Variants in ACOX3 observed in about 807,000 individuals in gnomAD.
The protein encoded by ACOX3 is acyl-CoA oxidase 3, pristanoyl, also known as peroxisomal acyl-coenzyme A oxidase 3.
A neutral mutation model predicts 81.5 loss-of-function variants in ACOX3; 73 were observed. That is an observed-to-expected ratio of 0.90 (90% CI 0.74 to 1.09). The LOEUF is 1.09. ACOX3 is among the 50% of genes least tolerant of loss of function. The pLI is 0.00. For synonymous variants in ACOX3, 387 were observed against 375.1 expected (o/e 1.03, Z -0.37); for missense variants, 947 against 928.0 (o/e 1.02, Z -0.27).
Position 8,440,664 on chromosome 4 carries a change from T to A in ACOX3, c.-31A>T. On this transcript the variant is annotated 5_prime_UTR_variant, in exon 1 of 18. Transcript: ENST00000356406. The stretch of plus-strand genomic sequence containing the variant: ...ATTCCTCACCCACACACTCCACAGT[T>A]CAACCCCTGCCAGGGAAACCAAAAG... The A allele has an allele frequency of 1.1e-6, 1 of 917,584 alleles. No individual in the cohort carries two copies. The allele number at this position is 917,584 out of a possible 1,614,324, so 56.8% of individuals were successfully genotyped here. A position where few individuals can be genotyped will look rare whatever the true frequency, so the allele number is the denominator to read the frequency against.
chr4:8,414,273 G>C lies in ACOX3; in HGVS notation c.543+19C>G. On this transcript the variant is annotated intron_variant, in intron 5 of 17. Coordinates refer to ENST00000356406, the MANE Select transcript of ACOX3 (RefSeq NM_003501.3). The surrounding 1 kb of genome is among the most constrained non-coding windows in gnomAD (Gnocchi z 6.1). ...TCATATGCTCCAAACTCAGGGACCC[G>C]GGGGAAGGTAATACCTACCTCAGTG... The C allele has an allele frequency of 6.2e-7, 1 of 1,601,356 alleles. No homozygotes were observed. The highest frequency in any genetic ancestry group is 8.6e-7 in the Non-Finnish European group (1 of 1,168,646).
At chr4:8,402,049 C>T (rs868736178) in intron 7 of ACOX3, among the ~76,000 whole-genome samples, 1 of 152,170 alleles carries the variant, frequency 6.6e-6, no homozygotes, top group African/African-American at 2.4e-5. Context: ...GGGACGGGCA[C>T]GTAAGTGGCA....
At chr4:8,427,658 A>G (rs1474871343) in intron 1 of ACOX3, among the ~76,000 whole-genome samples, 1 of 152,196 alleles carries the variant, frequency 6.6e-6, no homozygotes, top group Non-Finnish European at 1.5e-5. Context: ...GCATGGCCCA[A>G]GGTTCCATTC....
Position 8,389,079 on chromosome 4 carries a change from C to T in ACOX3, c.1537+94G>A. Reference sequence around the variant, plus strand: ...ACCACCACTGCTGCCCCGGCTGGAACTGCCAAGGGTCCCCTCACCGAGGCA... The same window carrying T: ...ACCACCACTGCTGCCCCGGCTGGAATTGCCAAGGGTCCCCTCACCGAGGCA... On this transcript the variant is annotated intron_variant, in intron 13 of 17. Coordinates refer to ENST00000356406, the MANE Select transcript of ACOX3 (RefSeq NM_003501.3). The surrounding 1 kb of genome is among the most constrained non-coding windows in gnomAD (Gnocchi z 5.3). 1 of 1,016,176 alleles carries T rather than the reference C, an allele frequency of 9.8e-7. No individual in the cohort carries two copies. Among genetic ancestry groups the T allele is most frequent in the Non-Finnish European group, 1.5e-6 (1 of 669,934 alleles). The allele number at this position is 1,016,176 out of a possible 1,614,324, so 62.9% of individuals were successfully genotyped here.
chr4:8,392,661 T>C (rs1719143114), intron 10 of ACOX3, among the ~76,000 whole-genome samples: 2 of 151,846 alleles, frequency 1.3e-5, no homozygotes. Flanking sequence ...CTCATACCAT[T>C]TCACAACAAT....
At chr4:8,390,105 C>CAAAAAAAAAAAAAAAAAA (rs752872641) in intron 11 of ACOX3, among the ~76,000 whole-genome samples, 1 of 129,740 alleles carries the variant, frequency 7.7e-6, no homozygotes. Context: ...CCTGTCTCAA[C>CAAAAAAAAAAAAAAAAAA]AACAACAACA....
In ACOX3 at chr4:8,394,177, C is replaced by T. The variant is rs112613436; in HGVS notation, c.1179+443G>A. ...CTACAAAGAAATCCGTTCCCGATGT[C>T]TCTTTATGCCGAGGCTGATCTCGGG... On this transcript the variant is annotated intron_variant, in intron 10 of 17. Coordinates refer to ENST00000356406, the MANE Select transcript of ACOX3 (RefSeq NM_003501.3). This position sits in a 1 kb window ranked among gnomAD's most constrained non-coding sequence, Gnocchi z 5.9. Among the ~76,000 whole-genome samples, 1 of 152,340 alleles carries T rather than the reference C, an allele frequency of 6.6e-6. No individual in the cohort carries two copies. Among genetic ancestry groups the T allele is most frequent in the African/African-American group, 2.4e-5 (1 of 41,582 alleles).
intron 1 of ACOX3, among the ~76,000 whole-genome samples, chr4:8,420,640 A>ACC (rs370761464): frequency 6.6e-6 from 1 of 152,052 alleles, no homozygotes. Flanking sequence ...CCCTTTGGGT[A>ACC]CCCCCCCGTT....
rs113188287 is a variant in ACOX3, at chr4:8,384,674, A to G, written c.1538-3067T>C. ...CTTGACCCCATGGTGAGCTCTTCGC[A>G]TGCACTGCCTGCCTTTCGGGTCTCG... On this transcript the variant is annotated intron_variant, in intron 13 of 17. Transcript: ENST00000356406. This position sits in a 1 kb window ranked among gnomAD's most constrained non-coding sequence, Gnocchi z 5.3. Among the ~76,000 whole-genome samples the G allele has an allele frequency of 0.021, 3,248 of 151,898 alleles. 124 individuals carry two copies. Among genetic ancestry groups the G allele is most frequent in the African/African-American group, 0.073 (3,040 of 41,420 alleles).
chr4:8,364,018 T>A (rs934683424), downstream of ACOX3, among the ~76,000 whole-genome samples: 12 of 152,330 alleles, frequency 7.9e-5, no homozygotes, highest in South Asian at 2.5e-3. The surrounding 1 kb of genome is among the most constrained non-coding windows in gnomAD (Gnocchi z 5.0). Flanking sequence ...ACTTTCTTAA[T>A]AAACTTGCTT....
intron 11 of ACOX3, 137 bp downstream of exon 11, chr4:8,392,196 G>T: frequency 8.6e-7 from 1 of 1,156,810 alleles, no homozygotes; most frequent in Non-Finnish European, 1.2e-6. Flanking sequence ...GGCTGGCTGT[G>T]TTCCAATAAA....
chr4:8,438,198 T>C (rs1161460322), intron 1 of ACOX3, among the ~76,000 whole-genome samples: 1 of 152,200 alleles, frequency 6.6e-6, no homozygotes, highest in African/African-American at 2.4e-5. Context: ...GTGACTAAAG[T>C]ATTGTTAAAA....
rs1242989985 is a variant in ACOX3, at chr4:8,405,232, T to C, written c.776+723A>G. On this transcript the variant is annotated intron_variant, in intron 7 of 17. Transcript: ENST00000356406. The surrounding 1 kb of genome is among the most constrained non-coding windows in gnomAD (Gnocchi z 7.1). ...GCCTGGCCTCCCTACCCCGCCTGCA[T>C]CCCAGCACAGGCCTGGGCCTGACAC... Among the ~76,000 whole-genome samples the C allele has an allele frequency of 4.6e-5, 7 of 152,162 alleles. No homozygotes were observed. The highest frequency in any genetic ancestry group is 8.8e-5 in the Non-Finnish European group (6 of 68,008).
intron 3 of ACOX3, among the ~76,000 whole-genome samples, chr4:8,415,380 C>T (rs1050753060): frequency 6.6e-6 from 1 of 151,886 alleles, no homozygotes; most frequent in Admixed American, 6.6e-5. Context: ...AGGAAAAACA[C>T]AGGTTTCTCC....
intron 7 of ACOX3, among the ~76,000 whole-genome samples, chr4:8,403,348 C>T (rs2108918555): frequency 6.6e-6 from 1 of 152,354 alleles, no homozygotes; most frequent in Non-Finnish European, 1.5e-5. Flanking sequence ...ACTGCGCCCC[C>T]TGCTGGGTGC....
chr4:8,390,017 C>A lies in ACOX3; in HGVS notation c.1301-283G>T, dbSNP rs529629392. On this transcript the variant is annotated intron_variant, in intron 11 of 17. Transcript: ENST00000356406. ...ACTCGGGAGGCTGAGGCAGGAGAAT[C>A]GCTTGAGCCTGGGAGGCGGAGGTTG... is the stretch of plus-strand genomic sequence containing the variant. Among the ~76,000 whole-genome samples, 4 of 151,268 alleles carry A rather than the reference C, an allele frequency of 2.6e-5. No homozygotes were observed. The South Asian group carries it at 6.3e-4, about 24-fold the overall frequency.
At chr4:8,376,007 T>C (rs1176729250) in intron 14 of ACOX3, among the ~76,000 whole-genome samples, 1 of 152,092 alleles carries the variant, frequency 6.6e-6, no homozygotes, top group Admixed American at 6.6e-5. Context: ...GCAGGATGAT[T>C]GCTTTTCTTT....
chr4:8,366,911 G>C lies in ACOX3; in HGVS notation c.*50C>G. On this transcript the variant is annotated 3_prime_UTR_variant, in exon 18 of 18. Transcript: ENST00000356406. ...GAATCAGAAGTTGAGGTCCACGTCT[G>C]ATTAGTTCCCTTCGTTTCATTAGAC... is the stretch of plus-strand genomic sequence containing the variant. 2 of 1,607,094 alleles carry C rather than the reference G, an allele frequency of 1.2e-6. No individual in the cohort carries two copies. The highest frequency in any genetic ancestry group is 1.7e-6 in the Non-Finnish European group (2 of 1,175,312).
downstream of ACOX3, among the ~76,000 whole-genome samples, chr4:8,361,735 C>G (rs1192017108): frequency 6.6e-6 from 1 of 152,142 alleles, no homozygotes; most frequent in Non-Finnish European, 1.5e-5. Flanking sequence ...TAAGTTTGAA[C>G]ACATTTGTCT....
Sources: gnomAD v4.1 joint callset for allele counts (sites outside exome capture counted in the v4.1 genomes callset) on GRCh38, gnomAD v4.1.1 for gene constraint, Gnocchi (gnomAD v3.1) non-coding constraint, MANE v1.5 for transcripts, NCBI Gene and HGNC (gene_info 2026-07-23, HGNC 2026-07-21) for gene names.